The following TCOF1 variants were observed in gnomAD, a reference collection of about 807,000 sequenced individuals.
TCOF1 encodes the protein treacle protein.
A neutral mutation model predicts 149.0 loss-of-function variants in TCOF1; 33 were observed. The observed-to-expected ratio is 0.22, with a 90% CI of 0.17 to 0.30. The LOEUF (loss-of-function observed/expected upper bound fraction) is 0.30, where lower values mean the gene tolerates loss of function less well. Among genes scored for constraint, TCOF1 ranks in the 10% least tolerant of loss-of-function variants. The pLI, the probability that TCOF1 is intolerant of heterozygous loss-of-function variation, is 1.00. For synonymous variants in TCOF1, 789 were observed against 738.8 expected (o/e 1.07, Z -1.10); for missense variants, 1,728 against 1,840.7 (o/e 0.94, Z 1.12).
Position 150,393,154 on chromosome 5 carries a change from G to A in TCOF1, c.3604-218G>A, listed in dbSNP as rs576109807. The A allele has an allele frequency of 8.1e-6, 5 of 616,142 alleles. No individual in the cohort carries two copies. In the South Asian group the frequency reaches 9.8e-5, roughly 12 times the overall value. The allele number at this position is 616,142 out of a possible 1,614,324, so 38.2% of individuals were successfully genotyped here. On this transcript the variant is annotated intron_variant, in intron 22 of 26. Coordinates refer to ENST00000643257, the MANE Select transcript of TCOF1 (RefSeq NM_001371623.1). ...TTAATAAGAAATTTCCTTTTTAAAT[G>A]TGCCTGTCTAGAAAGTGTATTAATT...
intron 17 of TCOF1, among the ~76,000 whole-genome samples, chr5:150,386,077 T>C (rs78051936): frequency 7.8e-4 from 119 of 152,200 alleles, no homozygotes; most frequent in African/African-American, 2.8e-3. Flanking sequence ...GCAGGTCTTC[T>C]CCTATACCCT....
At chr5:150,371,902 T>C (rs1762608386) in intron 6 of TCOF1, 104 bp from the exon 7 acceptor site, 4 of 1,056,154 alleles carry the variant, frequency 3.8e-6, no homozygotes, top group Non-Finnish European at 5.7e-6. Flanking sequence ...AAAAATCCAG[T>C]GACATTAGGA....
intron 2 of TCOF1, 143 bp from the exon 3 acceptor site, chr5:150,363,970 G>A: frequency 8.6e-7 from 1 of 1,158,024 alleles, no homozygotes; most frequent in South Asian, 1.3e-5. Flanking sequence ...ACAAAATTGT[G>A]CCTATACTGT....
intron 23 of TCOF1, among the ~76,000 whole-genome samples, chr5:150,395,784 A>G (rs370861359): frequency 1.8e-4 from 27 of 152,176 alleles, no homozygotes; most frequent in East Asian, 1.7e-3. Flanking sequence ...TTATAAATCT[A>G]CAATGTATCA....
chr5:150,390,262 C>T (rs1468116181), intron 19 of TCOF1, among the ~76,000 whole-genome samples: 1 of 152,212 alleles, frequency 6.6e-6, no homozygotes, highest in Non-Finnish European at 1.5e-5. Flanking sequence ...CTGCAGCACT[C>T]GAGTCCCTCA....
At chr5:150,368,535 C>A (rs886209664) in intron 4 of TCOF1, 181 bp from the exon 5 acceptor site, 1 of 661,652 alleles carries the variant, frequency 1.5e-6, no homozygotes, top group Non-Finnish European at 2.7e-6. Flanking sequence ...TTTCTCAACA[C>A]CTCTGGTGAG....
chr5:150,385,822 C>T lies in TCOF1; in HGVS notation c.2860-2080C>T, dbSNP rs568565060. ...ACTGCCCAGCACCTATAGGGAGGTA[C>T]AACCAAATGTTCAGGCCAGTGCTGG... On this transcript the variant is annotated intron_variant, in intron 17 of 26. Transcript: ENST00000643257. 2.0e-4 allele frequency among the ~76,000 whole-genome samples: 30 copies of T among 152,280 alleles called. No individual in the cohort carries two copies. The South Asian group carries it at 4.8e-3, about 24-fold the overall frequency.
At chr5:150,383,529 A>G (rs1438489752) in intron 17 of TCOF1, among the ~76,000 whole-genome samples, 1 of 152,246 alleles carries the variant, frequency 6.6e-6, no homozygotes, top group East Asian at 1.9e-4. Flanking sequence ...CACTGGTGCC[A>G]GCACACAAGG....
At chr5:150,384,072 G>A (rs1267178330) in intron 17 of TCOF1, 1 of 1,306,072 alleles carries the variant, frequency 7.7e-7, no homozygotes, top group East Asian at 3.0e-5. Context: ...AGATCCTGGA[G>A]TTCTGCAACC....
chr5:150,389,540 C>T (rs1310172241), intron 18 of TCOF1, among the ~76,000 whole-genome samples: 1 of 152,206 alleles, frequency 6.6e-6, no homozygotes, highest in African/African-American at 2.4e-5. Context: ...CAGATAACCA[C>T]GGGGACTCTT....
At chr5:150,379,475 G>T in intron 16 of TCOF1, 57 bp from the exon 17 acceptor site, 1 of 1,614,114 alleles carries the variant, frequency 6.2e-7, no homozygotes, top group Non-Finnish European at 8.5e-7. Context: ...TCCAGCTCCT[G>T]TCTTCTCACA....
intron 1 of TCOF1, 103 bp downstream of exon 1, chr5:150,357,957 C>G: frequency 7.9e-7 from 1 of 1,270,616 alleles, no homozygotes; most frequent in Non-Finnish European, 1.1e-6. Flanking sequence ...GCGCCCGGAG[C>G]CGGGTCCCGC....
At chr5:150,377,228 G>A (rs1274518913) in intron 14 of TCOF1, among the ~76,000 whole-genome samples, 1 of 152,200 alleles carries the variant, frequency 6.6e-6, no homozygotes, top group East Asian at 1.9e-4. Flanking sequence ...GAGCCAGACC[G>A]CCTGGGTTCA....
Position 150,357,746 on chromosome 5 carries a change from T to C in TCOF1, c.-1T>C, listed in dbSNP as rs1010092459. ...TAGCCGGCCGGCCGGGGGTCGCGGG[T>C]ATGGCCGAGGCCAGGAAGCGGCGGG... On this transcript the variant is annotated 5_prime_UTR_variant, in exon 1 of 27. Coordinates refer to ENST00000643257, the MANE Select transcript of TCOF1 (RefSeq NM_001371623.1). 3.2e-6 allele frequency: 5 copies of C among 1,547,084 alleles called. No homozygotes were observed. The highest frequency in any genetic ancestry group is 4.4e-6 in the Non-Finnish European group (5 of 1,146,242).
Position 150,375,563 on chromosome 5 carries a change from C to T in TCOF1, c.1704+9C>T, listed in dbSNP as rs769650466. 79 of 1,613,710 alleles carry T rather than the reference C, an allele frequency of 4.9e-5. No individual in the cohort carries two copies. In the Middle Eastern group the frequency reaches 4.9e-4, roughly 10 times the overall value. ...CTGTGGCCCCGGCTCAGGTGAGGCC[C>T]CTTCCTGTAAGGCTCTTTCTTTTTC... On this transcript the variant is annotated intron_variant, in intron 11 of 26. Transcript: ENST00000643257.
intron 25 of TCOF1, 129 bp from the exon 26 acceptor site, chr5:150,398,887 TTGCCTC>T: frequency 8.2e-7 from 1 of 1,220,476 alleles, no homozygotes; most frequent in Non-Finnish European, 1.2e-6. Context: ...GAACATCTGT[TTGCCTC>T]TGCCCTTGGA....
chr5:150,365,672 G>A (rs1443655117), intron 3 of TCOF1, among the ~76,000 whole-genome samples: 1 of 152,112 alleles, frequency 6.6e-6, no homozygotes, highest in East Asian at 1.9e-4. Flanking sequence ...TATAAGCTGT[G>A]ATAATGGAGG....
rs551117047 is a variant in TCOF1 at position 150,391,109 on chromosome 5, CTG to C, written c.3184-434_3184-433del. Among the ~76,000 whole-genome samples the C allele has an allele frequency of 1.1e-3, 171 of 152,196 alleles. 1 individual carries two copies. Among genetic ancestry groups the C allele is most frequent in the African/African-American group, 4.1e-3 (169 of 41,508 alleles). On this transcript the variant is annotated intron_variant, in intron 19 of 26. Transcript: ENST00000643257. ...GGGAAGCGCTTGGGAATGAGGGAAA[CTG>C]AGAGGTGGGGACAGCTGGATGAGGA... is the stretch of plus-strand genomic sequence containing the variant.
Sources: allele counts gnomAD v4.1 joint callset (sites outside exome capture counted in the v4.1 genomes callset), GRCh38; gene constraint gnomAD v4.1.1; transcripts MANE v1.5; gene names NCBI Gene and HGNC (gene_info 2026-07-23, HGNC 2026-07-21).